TBC1D22A: variants seen among roughly 807,000 people sequenced by gnomAD.
TBC1D22A encodes the protein TBC1 domain family member 22A.
Under a neutral mutation model 60.2 loss-of-function variants are expected in TBC1D22A, and 38 were observed. That is an observed-to-expected ratio of 0.63 (90% confidence interval 0.49 to 0.83). The LOEUF (loss-of-function observed/expected upper bound fraction) is 0.83, where lower values mean the gene tolerates loss of function less well. TBC1D22A is among the 40% of genes least tolerant of loss of function. TBC1D22A has a pLI of 0.00. For missense variants in TBC1D22A, 628 were observed against 701.0 expected, an observed-to-expected ratio of 0.90 and a Z score of 1.18; for synonymous variants, 302 against 281.7, an observed-to-expected ratio of 1.07 and a Z score of -0.72.
chr22:46,895,671 G>T (rs1164825473), intron 7 of TBC1D22A, among the ~76,000 whole-genome samples: 1 of 152,098 alleles, frequency 6.6e-6, no homozygotes, highest in Non-Finnish European at 1.5e-5. Flanking sequence ...GGCGCCCGGC[G>T]TCTCTCATTG....
At chr22:47,015,755 C>T (rs1289527941) in intron 10 of TBC1D22A, among the ~76,000 whole-genome samples, 1 of 152,218 alleles carries the variant, frequency 6.6e-6, no homozygotes, top group African/African-American at 2.4e-5. Flanking sequence ...GTGGTGGTCT[C>T]AGCCAGGAGG....
At chr22:46,889,946 A>C (rs187222024) in intron 5 of TBC1D22A, among the ~76,000 whole-genome samples, 29 of 152,318 alleles carry the variant, frequency 1.9e-4, no homozygotes, top group Admixed American at 1.7e-3. Context: ...AAAAGCCACC[A>C]AACTGATTGC....
intron 4 of TBC1D22A, among the ~76,000 whole-genome samples, chr22:46,829,452 C>T (rs968979529): frequency 6.6e-6 from 1 of 152,186 alleles, no homozygotes; most frequent in Non-Finnish European, 1.5e-5. Context: ...CCCTGATGCT[C>T]CTGAAGTCAC....
intron 10 of TBC1D22A, among the ~76,000 whole-genome samples, chr22:47,018,367 T>C (rs1462612870): frequency 6.6e-6 from 1 of 152,254 alleles, no homozygotes; most frequent in East Asian, 1.9e-4. Context: ...TGATTTGTTG[T>C]TTCAGTGACA....
chr22:47,112,178 C>T lies in TBC1D22A; in HGVS notation c.1425+575C>T, dbSNP rs2065873271. Among the ~76,000 whole-genome samples, 7 of 152,354 alleles carry T rather than the reference C, an allele frequency of 4.6e-5. 1 individual carries two copies. In the South Asian group the frequency reaches 1.4e-3, roughly 32 times the overall value. ...ACTCCCTGTGGACTAGTGTCCAGCC[C>T]CTGACCCACCCCACGTGTTCCTCTG... On this transcript the variant is annotated intron_variant, in intron 12 of 12. Coordinates refer to ENST00000337137, the MANE Select transcript of TBC1D22A (RefSeq NM_014346.5).
At chr22:47,142,325 A>G (rs2067119303) in intron 12 of TBC1D22A, among the ~76,000 whole-genome samples, 1 of 119,444 alleles carries the variant, frequency 8.4e-6, no homozygotes, top group Non-Finnish European at 1.7e-5. Context: ...CCACCCATCC[A>G]TTCATTCAGC....
intron 9 of TBC1D22A, 55 bp downstream of exon 9, chr22:46,974,454 A>G: frequency 6.9e-7 from 1 of 1,453,318 alleles, no homozygotes; most frequent in South Asian, 1.2e-5. Flanking sequence ...TGCGGTGAAG[A>G]GAGCCTGAGG....
chr22:47,139,978 C>T (rs1278004325), intron 12 of TBC1D22A, among the ~76,000 whole-genome samples: 5 of 152,218 alleles, frequency 3.3e-5, no homozygotes, highest in South Asian at 2.1e-4. Context: ...GTCTTGTCTG[C>T]GCTCCCTGAT....
At chr22:46,877,769 T>G (rs188480015) in intron 4 of TBC1D22A, among the ~76,000 whole-genome samples, 2 of 152,258 alleles carry the variant, frequency 1.3e-5, no homozygotes, top group African/African-American at 4.8e-5. Flanking sequence ...GATTCCTAAC[T>G]TAAAGGAAAG....
At chr22:46,832,912 G>A (rs1391411669) in intron 4 of TBC1D22A, among the ~76,000 whole-genome samples, 1 of 152,190 alleles carries the variant, frequency 6.6e-6, no homozygotes, top group East Asian at 1.9e-4. Flanking sequence ...AACAGGGACA[G>A]GGAAGGGCGG....
intron 12 of TBC1D22A, among the ~76,000 whole-genome samples, chr22:47,126,523 G>A (rs1236902799): frequency 1.3e-5 from 2 of 152,372 alleles, no homozygotes; most frequent in East Asian, 3.9e-4. Context: ...CCATCCACAT[G>A]TCATCTGCTC....
intron 9 of TBC1D22A, among the ~76,000 whole-genome samples, chr22:46,980,936 C>T (rs2074489582): frequency 1.3e-5 from 2 of 152,174 alleles, no homozygotes; most frequent in South Asian, 4.1e-4. Context: ...AAAAATAGCT[C>T]TCCAATGAGA....
intron 7 of TBC1D22A, among the ~76,000 whole-genome samples, chr22:46,909,183 A>G (rs73478563): frequency 0.22 from 32,968 of 151,952 alleles, 4,328 homozygotes; most frequent in African/African-American, 0.37. Context: ...AGCCTTGAGA[A>G]AGTGTGTGTT....
chr22:47,087,200 A>G (rs1476550161), intron 11 of TBC1D22A, among the ~76,000 whole-genome samples: 2 of 152,242 alleles, frequency 1.3e-5, no homozygotes, highest in East Asian at 3.8e-4. Flanking sequence ...TATATTACAA[A>G]CCAAACAAAA....
intron 12 of TBC1D22A, among the ~76,000 whole-genome samples, chr22:47,125,145 G>GC (rs1307049536): frequency 6.6e-6 from 1 of 152,094 alleles, no homozygotes; most frequent in East Asian, 1.9e-4. Context: ...CGACATCTCT[G>GC]CCCCATTGAG....
chr22:46,770,967 G>A (rs2083460935), intron 1 of TBC1D22A, among the ~76,000 whole-genome samples: 1 of 152,186 alleles, frequency 6.6e-6, no homozygotes, highest in African/African-American at 2.4e-5. Context: ...GGAAGAGCTG[G>A]TGGGTGAGAT....
chr22:47,105,795 T>C (rs1054071701), intron 11 of TBC1D22A, among the ~76,000 whole-genome samples: 3 of 146,842 alleles, frequency 2.0e-5, no homozygotes, highest in Non-Finnish European at 3.0e-5. Context: ...AGAATTCCAA[T>C]AGATATACAT....
At chr22:47,157,958 C>T (rs996226813) in intron 12 of TBC1D22A, among the ~76,000 whole-genome samples, 10 of 152,170 alleles carry the variant, frequency 6.6e-5, no homozygotes, top group South Asian at 2.1e-4. Flanking sequence ...GCTGGATGGG[C>T]GTCGTGGCTC....
intron 1 of TBC1D22A, among the ~76,000 whole-genome samples, chr22:46,779,163 T>C (rs965723506): frequency 1.9e-4 from 29 of 152,390 alleles, no homozygotes; most frequent in Middle Eastern, 6.8e-3. Flanking sequence ...TATACTGTTA[T>C]AGGACTGGCA....
Sources: allele counts gnomAD v4.1 joint callset (sites outside exome capture counted in the v4.1 genomes callset), GRCh38; gene constraint gnomAD v4.1.1; transcripts MANE v1.5; gene names NCBI Gene and HGNC (gene_info 2026-07-23, HGNC 2026-07-21).